LAMP1: variants seen among roughly 807,000 people sequenced by gnomAD.
The protein encoded by LAMP1 is lysosome-associated membrane glycoprotein 1.
Under a neutral mutation model 37.5 loss-of-function variants are expected in LAMP1, and 7 were observed. The ratio of observed to expected loss-of-function variants is 0.19; its 90% confidence interval spans 0.11 to 0.35. The LOEUF (loss-of-function observed/expected upper bound fraction) is 0.35, where lower values mean the gene tolerates loss of function less well. Ranked by LOEUF, LAMP1 falls within the 10% of genes least tolerant of loss-of-function variation. The pLI, the probability that LAMP1 is intolerant of heterozygous loss-of-function variation, is 1.00. For missense variants in LAMP1, 537 were observed against 552.8 expected (o/e 0.97, Z 0.29); for synonymous variants, 236 against 229.1 (o/e 1.03, Z -0.27).
At position 113,315,591 on chromosome 13, in the gene LAMP1, A is replaced by G. The variant is rs553357107; in HGVS notation, c.563-3878A>G. On this transcript the variant is annotated intron_variant, in intron 4 of 8. Transcript: ENST00000332556. ...TTTTAGTAGAGGGGGGCGTTGCACCATGTTGGCCAGGCTGGTCTTGAGCTC... is the reference window on the plus strand; with the variant it reads ...TTTTAGTAGAGGGGGGCGTTGCACCGTGTTGGCCAGGCTGGTCTTGAGCTC... Among the ~76,000 whole-genome samples, 3 of 151,172 alleles carry G rather than the reference A, an allele frequency of 2.0e-5. No individual in the cohort carries two copies. In the East Asian group the frequency reaches 6.0e-4, roughly 30 times the overall value.
At chr13:113,317,485 T>C (rs969476109) in intron 4 of LAMP1, among the ~76,000 whole-genome samples, 5 of 152,192 alleles carry the variant, frequency 3.3e-5, no homozygotes, top group Non-Finnish European at 7.3e-5. Flanking sequence ...TCCAGCTTCT[T>C]GTGACCACTC....
At position 113,303,170 on chromosome 13, in the gene LAMP1, G is replaced by A. The variant is rs1595457234; in HGVS notation, c.62-3315G>A. 2.0e-5 allele frequency among the ~76,000 whole-genome samples: 3 copies of A among 152,344 alleles called. No homozygotes were observed. In the South Asian group the frequency reaches 6.2e-4, roughly 32 times the overall value. On this transcript the variant is annotated intron_variant, in intron 1 of 8. Coordinates refer to ENST00000332556, the MANE Select transcript of LAMP1 (RefSeq NM_005561.4). Reference sequence around the variant, plus strand: ...GCACTCTCTCCTCCTGCTCGTGGGTGCAGAGACTGGGGATTGGGCTCTGCT... The same window carrying A: ...GCACTCTCTCCTCCTGCTCGTGGGTACAGAGACTGGGGATTGGGCTCTGCT...
At chr13:113,306,366 A>T in intron 1 of LAMP1, 119 bp from the exon 2 acceptor site, 1 of 1,213,210 alleles carries the variant, frequency 8.2e-7, no homozygotes, top group Non-Finnish European at 1.1e-6. Context: ...AAAAAAAAAA[A>T]GAGAAACAGT....
chr13:113,297,642 C>A lies in LAMP1; in HGVS notation c.61+147C>A. Reference sequence around the variant, plus strand: ...GGTCCCGGCCGGCTCTGCCCGCGGGCGGGTGTTTCTCTCGGGGTCGTAGGG... The same window carrying A: ...GGTCCCGGCCGGCTCTGCCCGCGGGAGGGTGTTTCTCTCGGGGTCGTAGGG... On this transcript the variant is annotated intron_variant, in intron 1 of 8. Transcript: ENST00000332556. This position sits in a 1 kb window ranked among gnomAD's most constrained non-coding sequence, Gnocchi z 4.4. 1.3e-6 allele frequency: 1 copy of A among 750,382 alleles called. No homozygotes were observed. Among genetic ancestry groups the A allele is most frequent in the Non-Finnish European group, 1.8e-6 (1 of 567,576 alleles). 46.5% of individuals were successfully genotyped at this position (750,382 alleles called of 1,614,324 possible). A position where few individuals can be genotyped will look rare whatever the true frequency, so the allele number is the denominator to read the frequency against.
chr13:113,320,512 C>T lies in LAMP1; in HGVS notation c.876+42C>T. On this transcript the variant is annotated intron_variant, in intron 6 of 8. Transcript: ENST00000332556. The surrounding 1 kb of genome is among the most constrained non-coding windows in gnomAD (Gnocchi z 4.4). Reference sequence around the variant, plus strand: ...ACCTCTCTGGGGGCGCCCACTGTGTCTCCACCACATCTTTTTGTGCCCTGG... The same window carrying T: ...ACCTCTCTGGGGGCGCCCACTGTGTTTCCACCACATCTTTTTGTGCCCTGG... The T allele has an allele frequency of 1.3e-6, 2 of 1,589,712 alleles. No homozygotes were observed. Among genetic ancestry groups the T allele is most frequent in the Middle Eastern group, 1.7e-4 (1 of 5,992 alleles).
chr13:113,318,747 A>G (rs539686983), intron 4 of LAMP1, among the ~76,000 whole-genome samples: 1 of 150,506 alleles, frequency 6.6e-6, no homozygotes, highest in Admixed American at 6.6e-5. Context: ...AGACGCACCC[A>G]CACTCACTGC....
At chr13:113,304,702 G>T (rs144055483) in intron 1 of LAMP1, among the ~76,000 whole-genome samples, 1,878 of 151,796 alleles carry the variant, frequency 0.012, 12 homozygotes, top group Non-Finnish European at 0.019. Context: ...TGTCACCCAG[G>T]CTGGAGGGCA....
At chr13:113,305,288 C>G (rs2042592891) in intron 1 of LAMP1, 1 of 152,116 alleles carries the variant, frequency 6.6e-6, no homozygotes, top group Non-Finnish European at 1.5e-5. Context: ...GAGATCAGCC[C>G]CTGGGTGGTG....
rs751544849 is a variant in LAMP1, at chr13:113,310,833, G to A, written c.528G>A (p.Gln176=). The A allele has an allele frequency of 3.7e-6, 6 of 1,613,694 alleles. No homozygotes were observed. The Admixed American group carries it at 6.7e-5, about 18-fold the overall frequency. Reference sequence around the variant, plus strand: ...TAACGCTCCATGATGCCACCATCCAGGCGTACCTTTCCAACAGCAGCTTCA... The same window carrying A: ...TAACGCTCCATGATGCCACCATCCAAGCGTACCTTTCCAACAGCAGCTTCA... ...VTVTLHDATI[Q]AYLSNSSFSR... is the part of the protein sequence containing the mutation. Residue 176 remains glutamine (Q), a synonymous_variant, in exon 4 of 9, where the codon CAG becomes CAA. Transcript: ENST00000332556.
rs2042721012 is a variant in LAMP1, at chr13:113,323,598, C to T, written c.*1177C>T. On this transcript the variant is annotated 3_prime_UTR_variant, in exon 9 of 9. Coordinates refer to ENST00000332556, the MANE Select transcript of LAMP1 (RefSeq NM_005561.4). ...AATGGTGTTGGGAGTGGCCCGAGTG[C>T]CTGGCACAGTTGTCTGGTTCATTCA... 6.6e-5 allele frequency: 10 copies of T among 150,744 alleles called. No homozygotes were observed. Among genetic ancestry groups the T allele is most frequent in the Admixed American group, 6.6e-4 (10 of 15,080 alleles). The allele number at this position is 150,744 out of a possible 1,614,324, so 9.3% of individuals were successfully genotyped here.
chr13:113,318,861 C>A (rs951552861), intron 4 of LAMP1, among the ~76,000 whole-genome samples: 1 of 152,208 alleles, frequency 6.6e-6, no homozygotes, highest in Admixed American at 6.5e-5. Context: ...TCTGCTCACA[C>A]GTGGGGTCCT....
At chr13:113,300,385 C>T (rs1443452688) in intron 1 of LAMP1, among the ~76,000 whole-genome samples, 1 of 150,416 alleles carries the variant, frequency 6.6e-6, no homozygotes, top group East Asian at 2.0e-4. Context: ...ACGTGGGAGG[C>T]TGAGGCAGGA....
intron 8 of LAMP1, 167 bp from the exon 9 acceptor site, chr13:113,322,115 C>T (rs888640306): frequency 4.1e-6 from 3 of 729,924 alleles, no homozygotes; most frequent in South Asian, 3.7e-5. Context: ...GCAGAGAGCA[C>T]CAGTCTCTGC....
chr13:113,320,657 C>T lies in LAMP1; in HGVS notation c.876+187C>T. 2 of 624,456 alleles carry T rather than the reference C, an allele frequency of 3.2e-6. No homozygotes were observed. The highest frequency in any genetic ancestry group is 2.0e-5 in the South Asian group (1 of 49,258). The allele number at this position is 624,456 out of a possible 1,614,324, so 38.7% of individuals were successfully genotyped here. On this transcript the variant is annotated intron_variant, in intron 6 of 8. Transcript: ENST00000332556. This position sits in a 1 kb window ranked among gnomAD's most constrained non-coding sequence, Gnocchi z 4.4. ...CCCCTTTCCATTCCATTCATAGATG[C>T]AGCAGATGATGTGGGCGGGGCTGCT...
chr13:113,309,900 A>G (rs2139364682), intron 3 of LAMP1, 38 bp downstream of exon 3: 1 of 1,534,554 alleles, frequency 6.5e-7, no homozygotes, highest in East Asian at 2.3e-5. Context: ...AGTGATAGAA[A>G]ATTGGGTTGG....
intron 4 of LAMP1, 125 bp downstream of exon 4, chr13:113,310,992 C>T (rs572834950): frequency 5.6e-6 from 4 of 716,296 alleles, no homozygotes; most frequent in Admixed American, 3.0e-5. Flanking sequence ...TGCACACAGC[C>T]GGCGACGTCT....
At position 113,297,918 on chromosome 13, in the gene LAMP1, G is replaced by A. The variant is rs965884882; in HGVS notation, c.61+423G>A. On this transcript the variant is annotated intron_variant, in intron 1 of 8. Coordinates refer to ENST00000332556, the MANE Select transcript of LAMP1 (RefSeq NM_005561.4). This position sits in a 1 kb window ranked among gnomAD's most constrained non-coding sequence, Gnocchi z 4.4. ...ACGTCTGTGGTCTCAGCTCCCGGGTGGGTGACCTAGATCAAGCTCTTCCCA... is the reference window on the plus strand; with the variant it reads ...ACGTCTGTGGTCTCAGCTCCCGGGTAGGTGACCTAGATCAAGCTCTTCCCA... Among the ~76,000 whole-genome samples the A allele has an allele frequency of 5.9e-5, 9 of 152,266 alleles. No homozygotes were observed. The highest frequency in any genetic ancestry group is 5.9e-4 in the Admixed American group (9 of 15,302).
rs1438823711 is a variant in LAMP1, at chr13:113,313,813, T to C, written c.562+2946T>C. Among the ~76,000 whole-genome samples the C allele has an allele frequency of 9.5e-4, 69 of 72,692 alleles. 1 individual carries two copies. Among genetic ancestry groups the C allele is most frequent in the Admixed American group, 2.0e-3 (14 of 7,012 alleles). The allele number at this position is 72,692 out of a possible 152,430, so 47.7% of individuals were successfully genotyped here. On this transcript the variant is annotated intron_variant, in intron 4 of 8. Transcript: ENST00000332556. The stretch of plus-strand genomic sequence containing the variant: ...CCTGGAGGGAACCAGTGTGGAGATG[T>C]CAGTGTGCCTGGGGCGTGGCCTCCT...
In LAMP1 at chr13:113,310,767, A is replaced by G. The variant is rs1296167430; in HGVS notation, c.462A>G (p.Arg154=). The change falls in exon 4 of 9, where the codon AGA becomes AGG. Residue 154 remains arginine (R), a synonymous_variant. Coordinates refer to ENST00000332556, the MANE Select transcript of LAMP1 (RefSeq NM_005561.4). The part of the protein sequence containing the change: ...DIRADIDKKY[R]CVSGTQVHMN... ...GGGCAGATATAGATAAAAAATACAG[A>G]TGTGTTAGTGGCACCCAGGTCCACA... The G allele has an allele frequency of 6.2e-7, 1 of 1,613,390 alleles. No homozygotes were observed. Among genetic ancestry groups the G allele is most frequent in the African/African-American group, 1.3e-5 (1 of 74,868 alleles).
Sources: gnomAD v4.1 joint callset for allele counts (sites outside exome capture counted in the v4.1 genomes callset) on GRCh38, gnomAD v4.1.1 for gene constraint, Gnocchi (gnomAD v3.1) non-coding constraint, MANE v1.5 for transcripts, NCBI Gene and HGNC (gene_info 2026-07-23, HGNC 2026-07-21) for gene names.